Variants in PRKAG2 observed in about 807,000 individuals in gnomAD.
PRKAG2 encodes the protein 5'-AMP-activated protein kinase subunit gamma-2.
Under a neutral mutation model 69.6 loss-of-function variants are expected in PRKAG2, and 26 were observed. That is an observed-to-expected ratio of 0.37 (90% CI 0.27 to 0.52). The LOEUF (loss-of-function observed/expected upper bound fraction) is 0.52. Among genes scored for constraint, PRKAG2 ranks in the 20% least tolerant of loss-of-function variants. The pLI is 0.90. For missense variants in PRKAG2, 557 were observed against 740.0 expected, an observed-to-expected ratio of 0.75 and a Z score of 2.87; for synonymous variants, 293 against 285.0, an observed-to-expected ratio of 1.03 and a Z score of -0.28.
chr7:151,748,538 A>T (rs2074446001), intron 3 of PRKAG2, among the ~76,000 whole-genome samples: 1 of 152,214 alleles, frequency 6.6e-6, no homozygotes, highest in South Asian at 2.1e-4. Flanking sequence ...TATGATTTTT[A>T]AAGGCTTCTT....
intron 1 of PRKAG2, among the ~76,000 whole-genome samples, chr7:151,859,136 T>C (rs1226143825): frequency 1.3e-5 from 2 of 152,240 alleles, no homozygotes; most frequent in Non-Finnish European, 2.9e-5. Context: ...AACAGGTCGC[T>C]GGGGCCTCCA....
At chr7:151,842,658 TG>T (rs1186007826) in intron 1 of PRKAG2, among the ~76,000 whole-genome samples, 1 of 147,154 alleles carries the variant, frequency 6.8e-6, no homozygotes, top group Non-Finnish European at 1.5e-5. Context: ...GTGATAGTAG[TG>T]AGGGTAGGTA....
chr7:151,573,184 G>T (rs929125979), intron 8 of PRKAG2, among the ~76,000 whole-genome samples: 2 of 150,902 alleles, frequency 1.3e-5, no homozygotes, highest in Admixed American at 6.6e-5. Context: ...TTGAGACAAG[G>T]TCTCATTCTG....
At chr7:151,566,496 A>G in intron 11 of PRKAG2, 1 of 378,372 alleles carries the variant, frequency 2.6e-6, no homozygotes, top group Non-Finnish European at 5.2e-6. Flanking sequence ...TTAAAGGAGG[A>G]GGGATATGGC....
chr7:151,832,435 A>G (rs2079055874), intron 1 of PRKAG2, among the ~76,000 whole-genome samples: 1 of 152,108 alleles, frequency 6.6e-6, no homozygotes, highest in Non-Finnish European at 1.5e-5. Context: ...CAGACCCTCC[A>G]TAGACACCTG....
chr7:151,843,035 G>A (rs2151888643), intron 1 of PRKAG2, among the ~76,000 whole-genome samples: 1 of 152,146 alleles, frequency 6.6e-6, no homozygotes, highest in African/African-American at 2.4e-5. Context: ...AATACAGCAG[G>A]CATTTGAAAG....
rs533844209 is a variant in PRKAG2 at position 151,775,098 on chromosome 7, G to A, written c.466+6054C>T. Among the ~76,000 whole-genome samples the A allele has an allele frequency of 7.9e-5, 12 of 152,336 alleles. No individual in the cohort carries two copies. The East Asian group carries it at 1.7e-3, about 22-fold the overall frequency. On this transcript the variant is annotated intron_variant, in intron 3 of 15. Coordinates refer to ENST00000287878, the MANE Select transcript of PRKAG2 (RefSeq NM_016203.4). ...AGCTTACACAATTGTATGTAGGCTC[G>A]TTGGGCCACGTGTGATGAGGGCATC...
In PRKAG2 at chr7:151,751,304, C is replaced by T. The variant is rs541834124; in HGVS notation, c.466+29848G>A. 2.0e-4 allele frequency among the ~76,000 whole-genome samples: 31 copies of T among 151,484 alleles called. 1 individual carries two copies. The highest frequency in any genetic ancestry group is 6.5e-4 in the African/African-American group (27 of 41,312). On this transcript the variant is annotated intron_variant, in intron 3 of 15. Transcript: ENST00000287878. ...TTTATTTACTTATTTTTAGTAGAGA[C>T]GGGGTTTCACCGTGTTAGCCAGGAT... is the stretch of plus-strand genomic sequence containing the variant.
intron 4 of PRKAG2, 57 bp downstream of exon 4, chr7:151,675,363 T>C (rs768957135): frequency 1.8e-5 from 28 of 1,521,894 alleles, no homozygotes; most frequent in Non-Finnish European, 2.5e-5. Context: ...GGGCAATAAC[T>C]GCTCTGCCCT....
chr7:151,657,639 G>T (rs1585548170), intron 4 of PRKAG2, among the ~76,000 whole-genome samples: 1 of 152,244 alleles, frequency 6.6e-6, no homozygotes. Context: ...CAGGACTGTT[G>T]TGAGAATGAA....
intron 3 of PRKAG2, among the ~76,000 whole-genome samples, chr7:151,711,782 C>T (rs1024010707): frequency 6.6e-6 from 1 of 152,190 alleles, no homozygotes; most frequent in Admixed American, 6.5e-5. Context: ...GGGTTACTCT[C>T]GGATATGCAG....
At chr7:151,831,573 T>C (rs1185246534) in intron 1 of PRKAG2, among the ~76,000 whole-genome samples, 1 of 152,232 alleles carries the variant, frequency 6.6e-6, no homozygotes, top group Non-Finnish European at 1.5e-5. Flanking sequence ...AGTTAATGGC[T>C]ATGGTCAGCG....
chr7:151,604,607 CAGCCTGGGTGACAG>C (rs1284957714), intron 5 of PRKAG2, among the ~76,000 whole-genome samples: 1 of 152,124 alleles, frequency 6.6e-6, no homozygotes, highest in African/African-American at 2.4e-5. Context: ...TACTGCCCTC[CAGCCTGGGTGACAG>C]AGCAAGACTC....
chr7:151,852,581 G>T (rs2079598234), intron 1 of PRKAG2, among the ~76,000 whole-genome samples: 1 of 151,956 alleles, frequency 6.6e-6, no homozygotes, highest in Non-Finnish European at 1.5e-5. Flanking sequence ...ACCTGTAGGG[G>T]GGCATGTGGT....
chr7:151,741,115 A>AG (rs1292004703), intron 3 of PRKAG2, among the ~76,000 whole-genome samples: 1 of 152,158 alleles, frequency 6.6e-6, no homozygotes, highest in Non-Finnish European at 1.5e-5. Context: ...TGGGAGGCTG[A>AG]GGCGGGAGGA....
rs75733360 is a variant in PRKAG2, at chr7:151,757,829, G to A, written c.466+23323C>T. Reference sequence around the variant, plus strand: ...ATAAAGCAGCTGAAACAATAGAATCGAAAATAAAGTACCTAGTCAGGGTCA... The same window carrying A: ...ATAAAGCAGCTGAAACAATAGAATCAAAAATAAAGTACCTAGTCAGGGTCA... On this transcript the variant is annotated intron_variant, in intron 3 of 15. Transcript: ENST00000287878. Among the ~76,000 whole-genome samples, 164 of 152,298 alleles carry A rather than the reference G, an allele frequency of 1.1e-3. 4 individuals carry two copies. The East Asian group carries it at 0.027, about 25-fold the overall frequency.
intron 3 of PRKAG2, among the ~76,000 whole-genome samples, chr7:151,698,070 G>A (rs1040664653): frequency 6.6e-6 from 1 of 152,172 alleles, no homozygotes; most frequent in South Asian, 2.1e-4. Flanking sequence ...TTCTGAGTTC[G>A]CCTGCAGCTG....
At chr7:151,607,455 T>G (rs1259286920) in intron 5 of PRKAG2, among the ~76,000 whole-genome samples, 1 of 152,094 alleles carries the variant, frequency 6.6e-6, no homozygotes, top group African/African-American at 2.4e-5. Context: ...TATTTTTTTT[T>G]TTGTAGTGAT....
At chr7:151,829,571 C>T (rs1349159761) in intron 1 of PRKAG2, among the ~76,000 whole-genome samples, 1 of 151,924 alleles carries the variant, frequency 6.6e-6, no homozygotes, top group African/African-American at 2.4e-5. Context: ...AATTTGTACA[C>T]AAATGTTTGT....
Sources: allele counts gnomAD v4.1 joint callset (sites outside exome capture counted in the v4.1 genomes callset), GRCh38; gene constraint gnomAD v4.1.1; transcripts MANE v1.5; gene names NCBI Gene and HGNC (gene_info 2026-07-23, HGNC 2026-07-21).